ANKFN1: variants seen among roughly 807,000 people sequenced by gnomAD.
The protein encoded by ANKFN1 is ankyrin repeat and fibronectin type-III domain-containing protein 1.
In ANKFN1, 74 loss-of-function variants were observed where a neutral mutation model predicts 108.7. That is an observed-to-expected ratio of 0.68 (90% CI 0.56 to 0.83). ANKFN1 has a LOEUF of 0.83. ANKFN1 is among the 40% of genes least tolerant of loss of function. The probability of loss-of-function intolerance (pLI) is 0.00; values close to 1 mark genes in which losing one functional copy is unlikely to be tolerated. For missense variants in ANKFN1, 1,505 were observed against 1,382.3 expected, an observed-to-expected ratio of 1.09 and a Z score of -1.41; for synonymous variants, 547 against 516.2, an observed-to-expected ratio of 1.06 and a Z score of -0.81.
chr17:56,382,608 G>A (rs1304485370), intron 8 of ANKFN1, among the ~76,000 whole-genome samples: 1 of 152,064 alleles, frequency 6.6e-6, no homozygotes, highest in African/African-American at 2.4e-5. Flanking sequence ...GACACACATA[G>A]GCTCAAAATA....
At chr17:56,251,764 A>C (rs1375448118) in intron 3 of ANKFN1, among the ~76,000 whole-genome samples, 3 of 152,212 alleles carry the variant, frequency 2.0e-5, no homozygotes, top group Non-Finnish European at 4.4e-5. Context: ...ATGTTCTATC[A>C]GGAGAGTTAA....
intron 19 of ANKFN1, among the ~76,000 whole-genome samples, chr17:56,494,139 T>C (rs2051123527): frequency 6.6e-6 from 1 of 152,172 alleles, no homozygotes; most frequent in Non-Finnish European, 1.5e-5. Flanking sequence ...GAAGAAAATA[T>C]TGTAATTTAC....
chr17:56,319,113 C>A (rs1043952717), intron 3 of ANKFN1, among the ~76,000 whole-genome samples: 1 of 152,062 alleles, frequency 6.6e-6, no homozygotes, highest in Non-Finnish European at 1.5e-5. Context: ...GAGGGGTCTG[C>A]CTAAAATTGA....
chr17:56,129,823 G>A (rs183230269), intron 4 of ANKFN1, among the ~76,000 whole-genome samples: 1 of 152,222 alleles, frequency 6.6e-6, no homozygotes, highest in East Asian at 1.9e-4. Flanking sequence ...CTTCCAATAT[G>A]GTTAGAATTC....
intron 1 of ANKFN1, among the ~76,000 whole-genome samples, chr17:56,209,388 C>T (rs1158338585): frequency 1.3e-5 from 2 of 152,126 alleles, no homozygotes; most frequent in African/African-American, 4.8e-5. Flanking sequence ...ATCAATATCC[C>T]TGATGATAGG....
At chr17:56,296,856 C>T (rs574054431) in intron 3 of ANKFN1, among the ~76,000 whole-genome samples, 1 of 152,300 alleles carries the variant, frequency 6.6e-6, no homozygotes, top group Non-Finnish European at 1.5e-5. Context: ...GTGCTGAACT[C>T]CCAGGGCTCA....
chr17:56,276,506 A>G (rs190923513), intron 3 of ANKFN1, among the ~76,000 whole-genome samples: 1 of 152,258 alleles, frequency 6.6e-6, no homozygotes, highest in Non-Finnish European at 1.5e-5. Flanking sequence ...CATCCTCTCC[A>G]GCATCTGTTG....
intron 3 of ANKFN1, among the ~76,000 whole-genome samples, chr17:56,233,572 C>G (rs1257688829): frequency 6.6e-6 from 1 of 151,746 alleles, no homozygotes; most frequent in Non-Finnish European, 1.5e-5. Context: ...TCTCACTTAC[C>G]TCTTCTCTCC....
chr17:56,399,927 TGATATATATACA>T (rs1321631535), intron 8 of ANKFN1, among the ~76,000 whole-genome samples: 5 of 146,732 alleles, frequency 3.4e-5, no homozygotes, highest in Admixed American at 6.8e-5. Flanking sequence ...TTATATATAG[TGATATATATACA>T]GTGATATATA....
At chr17:56,291,133 T>A (rs2044352566) in intron 3 of ANKFN1, among the ~76,000 whole-genome samples, 1 of 152,194 alleles carries the variant, frequency 6.6e-6, no homozygotes, top group Non-Finnish European at 1.5e-5. Context: ...TAGACCCCTG[T>A]GGAAGCTGTC....
chr17:56,371,176 T>C (rs2046802433), intron 6 of ANKFN1, among the ~76,000 whole-genome samples: 1 of 152,136 alleles, frequency 6.6e-6, no homozygotes, highest in Non-Finnish European at 1.5e-5. Context: ...TTAGAGTACA[T>C]GATTGACTGC....
intron 3 of ANKFN1, among the ~76,000 whole-genome samples, chr17:56,285,190 G>A (rs111443655): frequency 0.01 from 1,592 of 152,192 alleles, 11 homozygotes; most frequent in South Asian, 0.035. Context: ...GCAGGGGTGC[G>A]GTTGGGGACT....
intron 15 of ANKFN1, among the ~76,000 whole-genome samples, chr17:56,475,453 G>A (rs1021247230): frequency 2.6e-5 from 4 of 152,034 alleles, no homozygotes; most frequent in African/African-American, 9.7e-5. Flanking sequence ...ATTCTACAGA[G>A]GAAAGATCAC....
Position 56,457,327 on chromosome 17 carries a change from A to G in ANKFN1, c.1378A>G (p.Ile460Val), listed in dbSNP as rs1482418788. The G allele has an allele frequency of 6.2e-7, 1 of 1,609,172 alleles. No homozygotes were observed. The change falls in exon 13 of 21, where the codon ATT (isoleucine) becomes GTT (valine). Residue 460 changes from isoleucine (I) to valine (V), a missense_variant. Transcript: ENST00000682825. ...AGTCACCAATGAAGATCAAGTACCAATTGTTGAAATAGATGACTCTCACAC... is the reference window on the plus strand; with the variant it reads ...AGTCACCAATGAAGATCAAGTACCAGTTGTTGAAATAGATGACTCTCACAC... ...ILVTNEDQVPIVEIDDSHTSS... is the reference protein window; with the variant it reads ...ILVTNEDQVPVVEIDDSHTSS...
chr17:56,286,044 G>A (rs1394289253), intron 3 of ANKFN1, among the ~76,000 whole-genome samples: 3 of 152,118 alleles, frequency 2.0e-5, no homozygotes, highest in African/African-American at 7.2e-5. Context: ...GTGTGGAAAA[G>A]TTACCCTATC....
rs770485071 is a variant in ANKFN1, at chr17:56,457,859, G to T, written c.1441-4G>T. The T allele has an allele frequency of 6.2e-7, 1 of 1,608,026 alleles. No individual in the cohort carries two copies. Among genetic ancestry groups the T allele is most frequent in the African/African-American group, 1.3e-5 (1 of 74,748 alleles). ...ATGACATGATTGCATGCCTTCTTTT[G>T]CAGCTGTCTTGTATGTGGGAAGATA... On this transcript the variant is annotated splice_polypyrimidine_tract_variant and splice_region_variant and intron_variant, in intron 13 of 20. Coordinates refer to ENST00000682825, the MANE Select transcript of ANKFN1 (RefSeq NM_001370326.1).
chr17:56,057,897 ATCT>A (rs1156801374), intron 4 of ANKFN1, among the ~76,000 whole-genome samples: 2 of 152,220 alleles, frequency 1.3e-5, no homozygotes, highest in Non-Finnish European at 1.5e-5. Flanking sequence ...ATCGGAGATC[ATCT>A]TCTTCTCCAT....
chr17:56,047,586 G>A (rs577941158), intron 4 of ANKFN1, among the ~76,000 whole-genome samples: 1 of 152,162 alleles, frequency 6.6e-6, no homozygotes, highest in South Asian at 2.1e-4. Context: ...TATGAACCAG[G>A]GGATGGGAAC....
chr17:56,126,121 A>C (rs182972681), intron 4 of ANKFN1, among the ~76,000 whole-genome samples: 2 of 152,340 alleles, frequency 1.3e-5, no homozygotes, highest in Admixed American at 6.5e-5. Flanking sequence ...GCAAAGTCAC[A>C]CTTTGGAGAA....
Sources: allele counts gnomAD v4.1 joint callset (sites outside exome capture counted in the v4.1 genomes callset), GRCh38; gene constraint gnomAD v4.1.1; transcripts MANE v1.5; gene names NCBI Gene and HGNC (gene_info 2026-07-23, HGNC 2026-07-21).